The following SDK1 variants were observed in gnomAD, a reference collection of about 807,000 sequenced individuals.
SDK1 encodes sidekick cell adhesion molecule 1.
A neutral mutation model predicts 245.5 loss-of-function variants in SDK1; 157 were observed. The ratio of observed to expected loss-of-function variants is 0.64; its 90% CI spans 0.56 to 0.73. The LOEUF is 0.73. SDK1 is among the 30% of genes least tolerant of loss of function. The pLI, the probability that SDK1 is intolerant of heterozygous loss-of-function variation, is 0.00. For missense variants in SDK1, 3,583 were observed against 3,002.3 expected (o/e 1.19, Z -4.52); for synonymous variants, 1,647 against 1,278.5 (o/e 1.29, Z -6.15).
At chr7:3,520,382 A>T (rs1471044924) in intron 1 of SDK1, among the ~76,000 whole-genome samples, 4 of 152,164 alleles carry the variant, frequency 2.6e-5, no homozygotes, top group East Asian at 1.9e-4. Context: ...TTGTATGGTT[A>T]TCTTGTTAGT....
intron 4 of SDK1, among the ~76,000 whole-genome samples, chr7:3,781,814 G>T (rs1780752912): frequency 6.6e-6 from 1 of 152,110 alleles, no homozygotes; most frequent in South Asian, 2.1e-4. Flanking sequence ...ACACTGTCGA[G>T]CAGAAGAAAG....
chr7:4,122,134 C>T (rs986289512), intron 25 of SDK1, among the ~76,000 whole-genome samples: 14 of 152,114 alleles, frequency 9.2e-5, no homozygotes, highest in Admixed American at 3.9e-4. Flanking sequence ...ACTTCCGCTC[C>T]CCCTCCTTGT....
Position 4,129,914 on chromosome 7 carries a change from T to C in SDK1, c.3946T>C (p.Phe1316Leu). 1 of 1,613,592 alleles carries C rather than the reference T, an allele frequency of 6.2e-7. No individual in the cohort carries two copies. The highest frequency in any genetic ancestry group is 1.3e-5 in the African/African-American group (1 of 75,064). The change falls in exon 27 of 45, where the codon TTC becomes CTC. Residue 1316 changes from phenylalanine (F) to leucine (L), a missense_variant. Transcript: ENST00000404826. ...TGCTGTGTCGATACCACAGATCCTGTTCCGGGCCAAAGACCTGGATCCCGA... is the reference window on the plus strand; with the variant it reads ...TGCTGTGTCGATACCACAGATCCTGCTCCGGGCCAAAGACCTGGATCCCGA... ...NGLILGYKIL[F>L]RAKDLDPEPR...
At chr7:4,033,960 GA>G (rs957245350) in intron 17 of SDK1, among the ~76,000 whole-genome samples, 1 of 151,760 alleles carries the variant, frequency 6.6e-6, no homozygotes, top group African/African-American at 2.4e-5. Context: ...CATCACAAAG[GA>G]AAAAAAACGG....
intron 22 of SDK1, among the ~76,000 whole-genome samples, chr7:4,086,816 G>A (rs1336484955): frequency 6.6e-6 from 1 of 152,142 alleles, no homozygotes; most frequent in East Asian, 1.9e-4. Context: ...GGCATCTCCA[G>A]GGGGCCTCAT....
intron 4 of SDK1, among the ~76,000 whole-genome samples, chr7:3,688,831 A>T (rs530031457): frequency 2.0e-5 from 3 of 152,170 alleles, no homozygotes; most frequent in Admixed American, 1.3e-4. Context: ...CACACCGCTC[A>T]TGGCCAATCC....
chr7:4,135,362 A>G (rs1779002888), intron 28 of SDK1, among the ~76,000 whole-genome samples: 1 of 152,172 alleles, frequency 6.6e-6, no homozygotes, highest in Non-Finnish European at 1.5e-5. Context: ...GAGCGCATTC[A>G]CACTGCACCC....
intron 1 of SDK1, among the ~76,000 whole-genome samples, chr7:3,493,695 C>A (rs973090143): frequency 6.6e-6 from 1 of 152,184 alleles, no homozygotes; most frequent in Non-Finnish European, 1.5e-5. Context: ...TTCTCTCTTG[C>A]AAGGTTAAAA....
intron 4 of SDK1, among the ~76,000 whole-genome samples, chr7:3,666,131 G>A (rs866527822): frequency 6.6e-6 from 1 of 152,114 alleles, no homozygotes; most frequent in Non-Finnish European, 1.5e-5. Flanking sequence ...TTAACCAGAT[G>A]TTTCTGAAGG....
chr7:3,758,866 A>C (rs1780014415), intron 4 of SDK1, among the ~76,000 whole-genome samples: 1 of 152,158 alleles, frequency 6.6e-6, no homozygotes, highest in Non-Finnish European at 1.5e-5. Context: ...TATACACACA[A>C]GTCTCTGTTC....
chr7:3,980,009 G>GCC (rs1434706736), intron 13 of SDK1, among the ~76,000 whole-genome samples: 2 of 152,150 alleles, frequency 1.3e-5, no homozygotes, highest in Admixed American at 6.5e-5. Context: ...TTCTGACAGA[G>GCC]CCCTCGTAAG....
Position 3,412,130 on chromosome 7 carries a change from A to G in SDK1, c.298+110246A>G, listed in dbSNP as rs188154727. ...GAAACATTTGAAAGTAAACAGAAGT[A>G]GAGCTAGATTTAGGGGTGTAAGATG... On this transcript the variant is annotated intron_variant, in intron 1 of 44. Transcript: ENST00000404826. Among the ~76,000 whole-genome samples, 161 of 152,316 alleles carry G rather than the reference A, an allele frequency of 1.1e-3. 2 individuals carry two copies. Among genetic ancestry groups the G allele is most frequent in the Non-Finnish European group, 2.1e-3 (142 of 68,026 alleles).
chr7:4,233,869 C>G (rs1412473580), intron 41 of SDK1, among the ~76,000 whole-genome samples: 4 of 152,174 alleles, frequency 2.6e-5, no homozygotes, highest in African/African-American at 4.8e-5. Context: ...GCTTTGTGTC[C>G]ACGCTGTGCA....
At chr7:3,403,874 ATAT>A (rs1778978281) in intron 1 of SDK1, among the ~76,000 whole-genome samples, 1 of 127,372 alleles carries the variant, frequency 7.9e-6, no homozygotes, top group Non-Finnish European at 1.6e-5. Flanking sequence ...TATATAATAT[ATAT>A]ATTTATTTAT....
intron 4 of SDK1, among the ~76,000 whole-genome samples, chr7:3,731,040 C>A (rs919617502): frequency 2.6e-5 from 4 of 152,176 alleles, no homozygotes; most frequent in Admixed American, 1.3e-4. Flanking sequence ...TGTAACAAAA[C>A]CCCTCTCAAA....
chr7:3,387,060 C>G (rs1381317369), intron 1 of SDK1, among the ~76,000 whole-genome samples: 1 of 152,104 alleles, frequency 6.6e-6, no homozygotes, highest in African/African-American at 2.4e-5. Context: ...AAATGGTTTC[C>G]CAAGTGAGCA....
At chr7:3,462,749 T>G (rs1396292778) in intron 1 of SDK1, among the ~76,000 whole-genome samples, 1 of 152,164 alleles carries the variant, frequency 6.6e-6, no homozygotes, top group Non-Finnish European at 1.5e-5. Context: ...CCTCTCTCTA[T>G]TGCCGCCATC....
chr7:4,155,679 C>A (rs568092902), intron 30 of SDK1, among the ~76,000 whole-genome samples: 1 of 152,176 alleles, frequency 6.6e-6, no homozygotes, highest in Non-Finnish European at 1.5e-5. Context: ...AGATACAACA[C>A]TGGTATTTAC....
At chr7:3,790,956 G>C (rs1781063172) in intron 4 of SDK1, among the ~76,000 whole-genome samples, 1 of 152,048 alleles carries the variant, frequency 6.6e-6, no homozygotes, top group Non-Finnish European at 1.5e-5. Flanking sequence ...CACCCTGCTT[G>C]GTTTGAATCA....
Sources: gnomAD v4.1 joint callset for allele counts (sites outside exome capture counted in the v4.1 genomes callset) on GRCh38, gnomAD v4.1.1 for gene constraint, MANE v1.5 for transcripts, NCBI Gene and HGNC (gene_info 2026-07-23, HGNC 2026-07-21) for gene names.